Variants in MFN2 observed in about 807,000 individuals in gnomAD.
The protein encoded by MFN2 is mitofusin 2, also known as mitofusin-2.
In MFN2, 43 loss-of-function variants were observed where a neutral mutation model predicts 87.5. That is an observed-to-expected ratio of 0.49 (90% CI 0.38 to 0.63). The LOEUF is 0.63. MFN2 is among the 30% of genes least tolerant of loss of function. MFN2 has a pLI of 0.00. For missense variants in MFN2, 743 were observed against 972.8 expected (o/e 0.76, Z 3.14); for synonymous variants, 337 against 359.9 (o/e 0.94, Z 0.72).
In MFN2 at chr1:12,011,512, T is replaced by G. The variant is rs1060501917; in HGVS notation, c.2221T>G (p.Leu741Val). 3 of 1,614,072 alleles carry G rather than the reference T, an allele frequency of 1.9e-6. No individual in the cohort carries two copies. The Admixed American group carries it at 5.0e-5, about 27-fold the overall frequency. Residue 741 changes from leucine (L) to valine (V), a missense_variant, in exon 19 of 19, where the codon TTG becomes GTG. Leu to Val is a conservative substitution (Grantham distance 32, BLOSUM62 1). This residue lies in a region of MFN2 where 571 missense variants were observed against 670.7 expected (regional missense o/e 0.85). Transcript: ENST00000235329. ...TCTTTGCAGGAATAAAGCCGGTTGG[T>G]TGGACAGTGAGCTCAACATGTTCAC... The part of the protein sequence containing the change: ...AKLLRNKAGW[L>V]DSELNMFTHQ...
In MFN2 at chr1:12,003,928, C is replaced by T; in HGVS notation, c.1161-64C>T. ...CAGGGCGGCGTGGGATTTCTGGCAT[C>T]CCCTCTTGCTCCTCTGCTTAGTCAG... On this transcript the variant is annotated intron_variant, in intron 11 of 18. Transcript: ENST00000235329. The surrounding 1 kb of genome is among the most constrained non-coding windows in gnomAD (Gnocchi z 4.1). 1 of 1,609,556 alleles carries T rather than the reference C, an allele frequency of 6.2e-7. No individual in the cohort carries two copies. Among genetic ancestry groups the T allele is most frequent in the Non-Finnish European group, 8.5e-7 (1 of 1,176,542 alleles).
Position 11,999,036 on chromosome 1 carries a change from A to G in MFN2, c.757A>G (p.Ile253Val). 1 of 1,614,124 alleles carries G rather than the reference A, an allele frequency of 6.2e-7. No homozygotes were observed. The highest frequency in any genetic ancestry group is 1.1e-5 in the South Asian group (1 of 91,086). ...KVSERLSRPNIFILNNRWDAS... is the reference protein window; with the variant it reads ...KVSERLSRPNVFILNNRWDAS... ...GAGTGAGCGTCTCTCCCGGCCAAAC[A>G]TCTTCATCCTGAACAACCGCTGGGA... The change falls in exon 8 of 19, where the codon ATC (isoleucine) becomes GTC (valine). Residue 253 changes from isoleucine (I) to valine (V), a missense_variant. Physicochemically the swap from Ile to Val is conservative, Grantham distance 29. This residue lies in a region of MFN2 where 571 missense variants were observed against 670.7 expected (regional missense o/e 0.85). Coordinates refer to ENST00000235329, the MANE Select transcript of MFN2 (RefSeq NM_014874.4).
rs953946892 is a variant in MFN2 at position 12,004,864 on chromosome 1, A to G, written c.1432A>G (p.Met478Val). Residue 478 changes from methionine to valine, a missense_variant, in exon 14 of 19, where the codon ATG (methionine) becomes GTG (valine). By Grantham distance (21) the Met-to-Val change is conservative. Around this residue, in one of 3 missense-constraint regions of MFN2, gnomAD observed 571 missense variants for 670.7 expected, o/e 0.85. Transcript: ENST00000235329. The surrounding 1 kb of genome is among the most constrained non-coding windows in gnomAD (Gnocchi z 4.2). ...RHIEEGLGRN[M>V]SDRCSTAITN... ...CATAGAGGAAGGACTGGGTCGAAAC[A>G]TGTCTGACCGCTGCTCCACGGCCAT... 1 of 1,613,792 alleles carries G rather than the reference A, an allele frequency of 6.2e-7. No homozygotes were observed. The highest frequency in any genetic ancestry group is 8.5e-7 in the Non-Finnish European group (1 of 1,179,922).
In MFN2 at chr1:12,013,271, T is replaced by G. The variant is rs543365043; in HGVS notation, c.*1706T>G. The stretch of plus-strand genomic sequence containing the variant: ...TGGGGAATGAATGAAATTTTGAGCT[T>G]CTTCAATACGTAAAATTAAATTTAT... On this transcript the variant is annotated 3_prime_UTR_variant, in exon 19 of 19. Coordinates refer to ENST00000235329, the MANE Select transcript of MFN2 (RefSeq NM_014874.4). 71 of 415,922 alleles carry G rather than the reference T, an allele frequency of 1.7e-4. No homozygotes were observed. The highest frequency in any genetic ancestry group is 1.1e-3 in the Middle Eastern group (3 of 2,854). 25.8% of individuals were successfully genotyped at this position (415,922 alleles called of 1,614,324 possible). A position where few individuals can be genotyped will look rare whatever the true frequency, so the allele number is the denominator to read the frequency against.
chr1:12,002,503 C>G (rs377307786), intron 11 of MFN2, among the ~76,000 whole-genome samples: 1 of 152,226 alleles, frequency 6.6e-6, no homozygotes, highest in Non-Finnish European at 1.5e-5. Context: ...GCCCAGATAA[C>G]ATAGTGAGAT....
At chr1:11,981,253 C>G (rs1569767601) in intron 1 of MFN2, among the ~76,000 whole-genome samples, 1 of 152,168 alleles carries the variant, frequency 6.6e-6, no homozygotes, top group Non-Finnish European at 1.5e-5. Context: ...ACCTGTAATC[C>G]CAGCACTTTG....
Position 12,003,910 on chromosome 1 carries a change from G to A in MFN2, c.1161-82G>A. 6.3e-7 allele frequency: 1 copy of A among 1,576,724 alleles called. No individual in the cohort carries two copies. Among genetic ancestry groups the A allele is most frequent in the Non-Finnish European group, 8.7e-7 (1 of 1,147,920 alleles). ...GCCAGGCAAGATAGCGGGCAGGGCG[G>A]CGTGGGATTTCTGGCATCCCCTCTT... On this transcript the variant is annotated intron_variant, in intron 11 of 18. Coordinates refer to ENST00000235329, the MANE Select transcript of MFN2 (RefSeq NM_014874.4). The surrounding 1 kb of genome is among the most constrained non-coding windows in gnomAD (Gnocchi z 4.1).
intron 2 of MFN2, among the ~76,000 whole-genome samples, chr1:11,983,213 A>T (rs1160857597): frequency 1.3e-5 from 2 of 152,084 alleles, no homozygotes; most frequent in Admixed American, 6.6e-5. Context: ...GCTGTACTAC[A>T]GGTGCATGCT....
chr1:12,001,000 TG>T (rs887855912), intron 8 of MFN2, among the ~76,000 whole-genome samples: 1 of 152,208 alleles, frequency 6.6e-6, no homozygotes, highest in Non-Finnish European at 1.5e-5. Flanking sequence ...TGCCTTTGGC[TG>T]TTGAGCCATG....
intron 6 of MFN2, among the ~76,000 whole-genome samples, chr1:11,998,318 C>T (rs1264799734): frequency 8.6e-5 from 13 of 151,812 alleles, no homozygotes; most frequent in South Asian, 6.3e-4. Context: ...GAAGCTGAGG[C>T]GGGCAGATCA....
At chr1:11,989,409 CG>C in intron 3 of MFN2, 66 bp downstream of exon 3, 3 of 1,567,156 alleles carry the variant, frequency 1.9e-6, no homozygotes, top group Non-Finnish European at 2.6e-6. Context: ...GTGGGATTTG[CG>C]GGTGGGGAGG....
chr1:11,992,972 T>TTTTTA (rs1638756709), intron 4 of MFN2, among the ~76,000 whole-genome samples: 1 of 151,070 alleles, frequency 6.6e-6, no homozygotes, highest in Non-Finnish European at 1.5e-5. Flanking sequence ...CCTGACTTTT[T>TTTTTA]TTTTTTTATT....
Position 12,004,228 on chromosome 1 carries a change from T to C in MFN2, c.1287+110T>C. On this transcript the variant is annotated intron_variant, in intron 12 of 18. Transcript: ENST00000235329. The surrounding 1 kb of genome is among the most constrained non-coding windows in gnomAD (Gnocchi z 4.2). The stretch of plus-strand genomic sequence containing the variant: ...TTCTCAGCCTTTCAGAAGAAAGTTG[T>C]GGCCCTGTTTCAAGAATACAGAGCT... 6.8e-7 allele frequency: 1 copy of C among 1,459,974 alleles called. No homozygotes were observed. The highest frequency in any genetic ancestry group is 9.4e-7 in the Non-Finnish European group (1 of 1,059,440). 90.4% of individuals were successfully genotyped at this position (1,459,974 alleles called of 1,614,324 possible). A position where few individuals can be genotyped will look rare whatever the true frequency, so the allele number is the denominator to read the frequency against.
At chr1:11,980,537 G>T in intron 1 of MFN2, 53 bp downstream of exon 1, 1 of 398,032 alleles carries the variant, frequency 2.5e-6, no homozygotes, top group South Asian at 1.3e-4. Context: ...CCGGCCCGGC[G>T]AGTCCTGAGC....
At chr1:12,008,204 C>T (rs1399006653) in intron 17 of MFN2, among the ~76,000 whole-genome samples, 1 of 152,252 alleles carries the variant, frequency 6.6e-6, no homozygotes, top group African/African-American at 2.4e-5. Context: ...CACATTTCCC[C>T]CTTTTCTATT....
At chr1:12,006,332 T>A (rs569420944) in intron 15 of MFN2, among the ~76,000 whole-genome samples, 70 of 152,338 alleles carry the variant, frequency 4.6e-4, no homozygotes, top group African/African-American at 1.7e-3. Flanking sequence ...CGGGTCAGGA[T>A]GGCTCCTGCT....
chr1:11,986,747 T>C (rs1469129957), intron 2 of MFN2, among the ~76,000 whole-genome samples: 3 of 151,950 alleles, frequency 2.0e-5, no homozygotes, highest in African/African-American at 4.8e-5. Flanking sequence ...CCTGCCACCA[T>C]GCCTGGCTAA....
rs1394815751 is a variant in MFN2, at chr1:12,013,149, G to A, written c.*1584G>A. ...CAGGGGCCACTTCACAGCATGTCAG[G>A]GAAAATCACTGTCACACAATTCCAA... On this transcript the variant is annotated 3_prime_UTR_variant, in exon 19 of 19. Coordinates refer to ENST00000235329, the MANE Select transcript of MFN2 (RefSeq NM_014874.4). The A allele has an allele frequency of 2.9e-6, 1 of 348,270 alleles. No individual in the cohort carries two copies. Among genetic ancestry groups the A allele is most frequent in the East Asian group, 7.8e-5 (1 of 12,760 alleles). 21.6% of individuals were successfully genotyped at this position (348,270 alleles called of 1,614,324 possible). A position where few individuals can be genotyped will look rare whatever the true frequency, so the allele number is the denominator to read the frequency against.
intron 5 of MFN2, 85 bp downstream of exon 5, chr1:11,996,403 G>A: frequency 6.5e-7 from 1 of 1,541,566 alleles, no homozygotes; most frequent in Non-Finnish European, 8.9e-7. Context: ...CACCTCTAGG[G>A]AGGGGGCAGC....
Sources: allele counts gnomAD v4.1 joint callset (sites outside exome capture counted in the v4.1 genomes callset), GRCh38; gene constraint gnomAD v4.1.1; regional missense constraint gnomAD v4.1.1; non-coding constraint Gnocchi (gnomAD v3.1); transcripts MANE v1.5; gene names NCBI Gene and HGNC (gene_info 2026-07-23, HGNC 2026-07-21).